The following CACNA1C variants were observed in gnomAD, a reference collection of about 807,000 sequenced individuals.
CACNA1C encodes the protein calcium voltage-gated channel subunit alpha1 C.
A neutral mutation model predicts 229.0 loss-of-function variants in CACNA1C; 30 were observed. The observed-to-expected ratio is 0.13, with a 90% CI of 0.10 to 0.18. The LOEUF is 0.18. Ranked by LOEUF, CACNA1C falls within the 10% of genes least tolerant of loss-of-function variation. The pLI is 1.00. For missense variants in CACNA1C, 1,658 were observed against 2,845.0 expected (o/e 0.58, Z 9.49); for synonymous variants, 1,114 against 1,132.5 (o/e 0.98, Z 0.33).
At chr12:2,342,944 C>T (rs987704658) in intron 3 of CACNA1C, among the ~76,000 whole-genome samples, 11 of 152,186 alleles carry the variant, frequency 7.2e-5, no homozygotes, top group Admixed American at 2.6e-4. Flanking sequence ...TTTTCATGTG[C>T]ATTATTTTAT....
chr12:2,273,728 G>A (rs190914642), intron 3 of CACNA1C, among the ~76,000 whole-genome samples: 16 of 152,300 alleles, frequency 1.1e-4, no homozygotes, highest in South Asian at 6.2e-4. Flanking sequence ...AAGAGAAGAC[G>A]CTTGCAAATC....
chr12:2,043,178 T>C (rs910171808), intron 1 of CACNA1C, among the ~76,000 whole-genome samples: 6 of 152,218 alleles, frequency 3.9e-5, no homozygotes, highest in African/African-American at 7.2e-5. Context: ...ATTATGCTGA[T>C]TGGAACAGAA....
intron 5 of CACNA1C, among the ~76,000 whole-genome samples, chr12:2,464,647 A>G (rs984248808): frequency 2.0e-5 from 3 of 152,192 alleles, no homozygotes; most frequent in Non-Finnish European, 2.9e-5. Context: ...TTTTCCTAGT[A>G]TGTGAGTCTT....
chr12:2,007,970 A>C (rs975801106), intron 1 of CACNA1C, among the ~76,000 whole-genome samples: 7 of 152,222 alleles, frequency 4.6e-5, no homozygotes, highest in Non-Finnish European at 8.8e-5. Flanking sequence ...CTAAAAAAAA[A>C]CAGTCATTGT....
intron 1 of CACNA1C, among the ~76,000 whole-genome samples, chr12:1,972,357 A>G (rs902787917): frequency 6.6e-6 from 1 of 152,214 alleles, no homozygotes; most frequent in Non-Finnish European, 1.5e-5. Context: ...ATGTTTCTTG[A>G]TTTACTATAG....
rs150354719 is a variant in CACNA1C at position 2,623,344 on chromosome 12, C to T, written c.3829-10953C>T. Among the ~76,000 whole-genome samples, 475 of 152,136 alleles carry T rather than the reference C, an allele frequency of 3.1e-3. 1 individual carries two copies. The highest frequency in any genetic ancestry group is 0.011 in the African/African-American group (463 of 41,504). On this transcript the variant is annotated intron_variant, in intron 29 of 46. Transcript: ENST00000399655. Reference sequence around the variant, plus strand: ...TTCTGCTTGGTCCTGAGTGCCCCCACGAGCCTCTCCATGGTTCCCCATTGT... The same window carrying T: ...TTCTGCTTGGTCCTGAGTGCCCCCATGAGCCTCTCCATGGTTCCCCATTGT...
chr12:2,537,710 TAGAG>T (rs2099859101), intron 9 of CACNA1C, among the ~76,000 whole-genome samples: 1 of 152,226 alleles, frequency 6.6e-6, no homozygotes, highest in East Asian at 1.9e-4. Context: ...AGGAGTGCTC[TAGAG>T]AAAGACCACC....
chr12:2,461,725 T>G (rs2099504685), intron 5 of CACNA1C, among the ~76,000 whole-genome samples: 1 of 152,232 alleles, frequency 6.6e-6, no homozygotes, highest in African/African-American at 2.4e-5. Context: ...CTTATTGGAC[T>G]TATTTCTTTT....
intron 1 of CACNA1C, among the ~76,000 whole-genome samples, chr12:2,002,169 C>T (rs1382934597): frequency 6.6e-6 from 1 of 152,206 alleles, no homozygotes; most frequent in Non-Finnish European, 1.5e-5. Context: ...CATTCTTCAT[C>T]CATTTTCAGG....
chr12:2,037,877 T>C (rs1009646431), intron 1 of CACNA1C, among the ~76,000 whole-genome samples: 2 of 152,174 alleles, frequency 1.3e-5, no homozygotes, highest in African/African-American at 2.4e-5. Context: ...GGGATTCTTA[T>C]GCACATTTAA....
At position 2,669,181 on chromosome 12, in the gene CACNA1C, G is replaced by A. The variant is rs1403072192; in HGVS notation, c.4726+146G>A. 1.8e-5 allele frequency: 12 copies of A among 661,470 alleles called. No homozygotes were observed. The Admixed American group carries it at 2.6e-4, about 14-fold the overall frequency. The allele number at this position is 661,470 out of a possible 1,614,324, so 41.0% of individuals were successfully genotyped here. A position where few individuals can be genotyped will look rare whatever the true frequency, so the allele number is the denominator to read the frequency against. On this transcript the variant is annotated intron_variant, in intron 38 of 46. Transcript: ENST00000399655. ...GGATACGGGGGTAACGTGCGCTCCAGGACATCGCAGGGCCCCAGCCTGCTC... is the reference window on the plus strand; with the variant it reads ...GGATACGGGGGTAACGTGCGCTCCAAGACATCGCAGGGCCCCAGCCTGCTC...
At chr12:2,599,281 C>CT (rs1269157702) in intron 21 of CACNA1C, among the ~76,000 whole-genome samples, 3 of 152,234 alleles carry the variant, frequency 2.0e-5, no homozygotes, top group Non-Finnish European at 4.4e-5. Flanking sequence ...CCTGTACCTC[C>CT]TTCCCACTGG....
At chr12:2,280,260 A>G (rs12227616) in intron 3 of CACNA1C, among the ~76,000 whole-genome samples, 1,809 of 70,482 alleles carry the variant, frequency 0.026, 38 homozygotes, top group Middle Eastern at 0.056. Context: ...GCTTCGGTTT[A>G]ACCTCTTGAT....
rs762310481 is a variant in CACNA1C at position 2,192,019 on chromosome 12, CAT to C, written c.477+71593_477+71594del. Among the ~76,000 whole-genome samples the C allele has an allele frequency of 3.9e-3, 592 of 152,004 alleles. 2 individuals are homozygous for C. The highest frequency in any genetic ancestry group is 0.01 in the Middle Eastern group (3 of 294). ...ATGTATTCACACACATACGTTCACA[CAT>C]ATACACGCACTCACACATACAGGCA... is the stretch of plus-strand genomic sequence containing the variant. On this transcript the variant is annotated intron_variant, in intron 3 of 46. Transcript: ENST00000399655.
chr12:2,298,895 A>G (rs2094325888), intron 3 of CACNA1C, among the ~76,000 whole-genome samples: 1 of 152,194 alleles, frequency 6.6e-6, no homozygotes, highest in Admixed American at 6.5e-5. Flanking sequence ...TGTGCTGGAA[A>G]CTGACTTCAA....
At chr12:2,461,700 T>G (rs565724904) in intron 5 of CACNA1C, among the ~76,000 whole-genome samples, 6 of 152,208 alleles carry the variant, frequency 3.9e-5, no homozygotes, top group Non-Finnish European at 7.3e-5. Context: ...GCCTCATCCT[T>G]CTAGCTTCTC....
chr12:2,507,323 T>C lies in CACNA1C; in HGVS notation c.1217+2378T>C, dbSNP rs889777424. 2.0e-5 allele frequency among the ~76,000 whole-genome samples: 3 copies of C among 152,130 alleles called. 1 individual carries two copies. In the South Asian group the frequency reaches 6.2e-4, roughly 32 times the overall value. ...TGTATGGGCGAGCACCTCCCCTTTC[T>C]GGTTTAAGGAGGCCTCTCCTCATGT... is the stretch of plus-strand genomic sequence containing the variant. On this transcript the variant is annotated intron_variant, in intron 8 of 46. Coordinates refer to ENST00000399655, the MANE Select transcript of CACNA1C (RefSeq NM_000719.7).
At chr12:2,529,087 T>G (rs2099834801) in intron 9 of CACNA1C, among the ~76,000 whole-genome samples, 1 of 152,230 alleles carries the variant, frequency 6.6e-6, no homozygotes, top group Non-Finnish European at 1.5e-5. Flanking sequence ...TACATATTCC[T>G]TAACTACATG....
chr12:2,447,943 T>C (rs1255615087), intron 3 of CACNA1C, among the ~76,000 whole-genome samples: 2 of 152,230 alleles, frequency 1.3e-5, no homozygotes, highest in Non-Finnish European at 2.9e-5. Context: ...GAATGCAATG[T>C]GGATGGGTGT....
Sources: gnomAD v4.1 joint callset for allele counts (sites outside exome capture counted in the v4.1 genomes callset) on GRCh38, gnomAD v4.1.1 for gene constraint, MANE v1.5 for transcripts, NCBI Gene and HGNC (gene_info 2026-07-23, HGNC 2026-07-21) for gene names.